DGKB: variants seen among roughly 807,000 people sequenced by gnomAD.
The protein encoded by DGKB is 90 kDa diacylglycerol kinase.
DGKB carries 67 observed loss-of-function variants against 114.3 expected under a neutral mutation model. The observed-to-expected ratio is 0.59, with a 90% CI of 0.48 to 0.72. The LOEUF (loss-of-function observed/expected upper bound fraction) is 0.72. DGKB is among the 30% of genes least tolerant of loss of function. The pLI is 0.00. For missense variants in DGKB, 907 were observed against 975.2 expected, an observed-to-expected ratio of 0.93 and a Z score of 0.93; for synonymous variants, 398 against 323.1, an observed-to-expected ratio of 1.23 and a Z score of -2.49.
intron 23 of DGKB, among the ~76,000 whole-genome samples, chr7:14,244,063 G>A (rs1260550342): frequency 1.3e-5 from 2 of 152,128 alleles, no homozygotes; most frequent in Admixed American, 1.3e-4. Context: ...GGGAGAGAGA[G>A]AGAGATCAAT....
intron 23 of DGKB, among the ~76,000 whole-genome samples, chr7:14,285,534 T>C (rs887375818): frequency 2.0e-5 from 3 of 152,114 alleles, no homozygotes; most frequent in African/African-American, 7.2e-5. Flanking sequence ...GCCAATAAAA[T>C]ATTATTTTCA....
chr7:14,560,194 T>A (rs1796450685), intron 20 of DGKB, among the ~76,000 whole-genome samples: 1 of 152,154 alleles, frequency 6.6e-6, no homozygotes, highest in African/African-American at 2.4e-5. Context: ...TTTATTGTTG[T>A]AAGAACACAA....
intron 13 of DGKB, among the ~76,000 whole-genome samples, chr7:14,662,659 G>A (rs1278337850): frequency 6.6e-6 from 1 of 151,660 alleles, no homozygotes; most frequent in Non-Finnish European, 1.5e-5. Context: ...ATGTCCCATA[G>A]TATATGGAAA....
Position 14,583,119 on chromosome 7 carries a change from A to G in DGKB, c.1452T>C (p.Asp484=), listed in dbSNP as rs935607568. The G allele has an allele frequency of 6.2e-7, 1 of 1,612,062 alleles. No homozygotes were observed. Among genetic ancestry groups the G allele is most frequent in the Non-Finnish European group, 8.5e-7 (1 of 1,179,022 alleles). Residue 484 remains aspartate, a synonymous_variant, in exon 18 of 26, where the codon GAT becomes GAC. Coordinates refer to ENST00000402815, the MANE Select transcript of DGKB (RefSeq NM_001350709.2). ...GPMPGLNFFR[D]VPDFRVLACG... The stretch of plus-strand genomic sequence containing the variant: ...AGGCTAACACTCTGAAGTCAGGAAC[A>G]TCACGGAAAAAGTTTAACCTGAAAA...
At position 14,786,899 on chromosome 7, in the gene DGKB, G is replaced by A. The variant is rs368997248; in HGVS notation, c.71-29168C>T. Among the ~76,000 whole-genome samples the A allele has an allele frequency of 3.3e-5, 5 of 152,314 alleles. No individual in the cohort carries two copies. The East Asian group carries it at 5.8e-4, about 18-fold the overall frequency. On this transcript the variant is annotated intron_variant, in intron 2 of 25. Coordinates refer to ENST00000402815, the MANE Select transcript of DGKB (RefSeq NM_001350709.2). Reference sequence around the variant, plus strand: ...ACTCAGTCAGACTCAGGCAGATGACGGGGTGACTGCCTGTGGAGAAGAACT... The same window carrying A: ...ACTCAGTCAGACTCAGGCAGATGACAGGGTGACTGCCTGTGGAGAAGAACT...
At chr7:14,700,039 G>T (rs546896402) in intron 7 of DGKB, among the ~76,000 whole-genome samples, 1 of 152,016 alleles carries the variant, frequency 6.6e-6, no homozygotes, top group South Asian at 2.1e-4. Context: ...AATAGAATTT[G>T]CATTAGTGTA....
intron 20 of DGKB, among the ~76,000 whole-genome samples, chr7:14,561,065 C>A (rs1796588963): frequency 6.6e-6 from 1 of 152,132 alleles, no homozygotes; most frequent in Non-Finnish European, 1.5e-5. Context: ...GTGTCCCCAT[C>A]CAAATCTCAC....
At chr7:14,382,484 A>G (rs1819652986) in intron 21 of DGKB, among the ~76,000 whole-genome samples, 1 of 152,064 alleles carries the variant, frequency 6.6e-6, no homozygotes, top group Admixed American at 6.6e-5. Context: ...ATACACACAT[A>G]TATCCTAAAG....
In DGKB at chr7:14,583,077, G is replaced by C; in HGVS notation, c.1494C>G (p.Thr498=). ...FRVLACGGDG[T]VGWVLDCIEK... is the part of the protein sequence containing the mutation. ...CTATGCAATCCAAAACCCAGCCCAC[G>C]GTTCCATCTCCACCACAGGCTAACA... Residue 498 remains threonine (T), a synonymous_variant, in exon 18 of 26, where the codon ACC becomes ACG. Coordinates refer to ENST00000402815, the MANE Select transcript of DGKB (RefSeq NM_001350709.2). 1.2e-6 allele frequency: 2 copies of C among 1,613,172 alleles called. No homozygotes were observed. Among genetic ancestry groups the C allele is most frequent in the Non-Finnish European group, 1.7e-6 (2 of 1,179,496 alleles).
rs193287926 is a variant in DGKB, at chr7:14,236,223, A to T, written c.2123-58072T>A. 3.9e-5 allele frequency among the ~76,000 whole-genome samples: 6 copies of T among 152,098 alleles called. No homozygotes were observed. In the East Asian group the frequency reaches 1.2e-3, roughly 29 times the overall value. On this transcript the variant is annotated intron_variant, in intron 23 of 25. Transcript: ENST00000402815. ...TATTTTAAAAAATTATAATTATTAC[A>T]AATTAACCAAGCTTCAGAAGAGGTA...
At chr7:14,833,213 A>C (rs1278863084) in intron 2 of DGKB, among the ~76,000 whole-genome samples, 3 of 152,096 alleles carry the variant, frequency 2.0e-5, no homozygotes, top group Non-Finnish European at 4.4e-5. Context: ...TAGTAAAATA[A>C]TCTCCTAATA....
At chr7:14,347,324 A>G (rs1812649070) in intron 21 of DGKB, among the ~76,000 whole-genome samples, 3 of 152,032 alleles carry the variant, frequency 2.0e-5, no homozygotes, top group African/African-American at 4.8e-5. Flanking sequence ...AAAAGGGAAC[A>G]TTTGTATACT....
At chr7:14,152,267 C>G (rs1340553607) in intron 25 of DGKB, among the ~76,000 whole-genome samples, 2 of 152,022 alleles carry the variant, frequency 1.3e-5, no homozygotes, top group African/African-American at 4.8e-5. Flanking sequence ...GTAATTACTT[C>G]TCAGTTATTC....
intron 20 of DGKB, among the ~76,000 whole-genome samples, chr7:14,503,261 G>T (rs1395199341): frequency 6.6e-6 from 1 of 151,976 alleles, no homozygotes; most frequent in Non-Finnish European, 1.5e-5. Context: ...TAGACAGTTT[G>T]GTAAGACGTT....
chr7:14,721,493 A>C (rs1472922562), intron 5 of DGKB, among the ~76,000 whole-genome samples: 3 of 152,144 alleles, frequency 2.0e-5, no homozygotes, highest in Admixed American at 2.0e-4. Flanking sequence ...TGAACACTTA[A>C]AGCTGTATCA....
chr7:14,273,113 G>A (rs558966531), intron 23 of DGKB, among the ~76,000 whole-genome samples: 11 of 152,282 alleles, frequency 7.2e-5, no homozygotes, highest in Non-Finnish European at 1.3e-4. Context: ...GGGAGGTGGA[G>A]GCAGGTGGAT....
intron 21 of DGKB, among the ~76,000 whole-genome samples, chr7:14,416,356 T>A (rs1482006006): frequency 2.0e-5 from 3 of 152,146 alleles, no homozygotes; most frequent in Non-Finnish European, 4.4e-5. Context: ...TCCCTCCCAC[T>A]CTTACTCATT....
chr7:14,325,356 T>G (rs1808535047), intron 23 of DGKB, among the ~76,000 whole-genome samples: 1 of 152,070 alleles, frequency 6.6e-6, no homozygotes, highest in African/African-American at 2.4e-5. Context: ...CTTAAGAAAG[T>G]GAGCGATGGT....
chr7:14,174,434 A>G (rs1296509858), intron 25 of DGKB, among the ~76,000 whole-genome samples: 2 of 152,212 alleles, frequency 1.3e-5, no homozygotes, highest in East Asian at 1.9e-4. Flanking sequence ...GGATATTACC[A>G]TAGCTGTGAC....
Sources: allele counts gnomAD v4.1 joint callset (sites outside exome capture counted in the v4.1 genomes callset), GRCh38; gene constraint gnomAD v4.1.1; transcripts MANE v1.5; gene names NCBI Gene and HGNC (gene_info 2026-07-23, HGNC 2026-07-21).